MAML2: variants seen among roughly 807,000 people sequenced by gnomAD.
MAML2 encodes mastermind-like protein 2.
MAML2 carries 22 observed loss-of-function variants against 96.1 expected under a neutral mutation model. The observed-to-expected ratio is 0.23, with a 90% CI of 0.16 to 0.33. The LOEUF (loss-of-function observed/expected upper bound fraction) is 0.33, where lower values mean the gene tolerates loss of function less well. Among genes scored for constraint, MAML2 ranks in the 10% least tolerant of loss-of-function variants. MAML2 has a pLI of 1.00. For missense variants in MAML2, 1,367 were observed against 1,392.4 expected (o/e 0.98, Z 0.29); for synonymous variants, 561 against 521.3 (o/e 1.08, Z -1.04).
At chr11:96,131,692 T>C (rs896845462) in intron 1 of MAML2, among the ~76,000 whole-genome samples, 1 of 152,112 alleles carries the variant, frequency 6.6e-6, no homozygotes, top group African/African-American at 2.4e-5. Flanking sequence ...TGTTCTAGAA[T>C]TAGATAGTGG....
intron 2 of MAML2, among the ~76,000 whole-genome samples, chr11:96,013,428 G>A (rs184214689): frequency 6.6e-6 from 1 of 152,282 alleles, no homozygotes; most frequent in Non-Finnish European, 1.5e-5. Context: ...GAAGGGAAGA[G>A]TGTGGTCCCT....
At chr11:96,237,744 A>T (rs1033093786) in intron 1 of MAML2, among the ~76,000 whole-genome samples, 6 of 152,246 alleles carry the variant, frequency 3.9e-5, no homozygotes, top group African/African-American at 1.2e-4. Context: ...GGAAAACTAC[A>T]TAATCTTTTA....
intron 1 of MAML2, among the ~76,000 whole-genome samples, chr11:96,124,558 T>C (rs534440300): frequency 4.6e-5 from 7 of 152,360 alleles, no homozygotes; most frequent in Non-Finnish European, 1.0e-4. Flanking sequence ...GTTTTAAACA[T>C]TTATTGAGTT....
chr11:96,206,963 A>T (rs1356169892), intron 1 of MAML2, among the ~76,000 whole-genome samples: 8 of 152,248 alleles, frequency 5.3e-5, no homozygotes, highest in African/African-American at 1.9e-4. Flanking sequence ...TTACCAGCAT[A>T]AAAAAGGGGC....
At chr11:96,006,580 T>C (rs1858181896) in intron 2 of MAML2, among the ~76,000 whole-genome samples, 1 of 149,646 alleles carries the variant, frequency 6.7e-6, no homozygotes, top group African/African-American at 2.5e-5. Flanking sequence ...TTTTTTAAGA[T>C]GGAGTTTCGC....
rs1487229589 is a variant in MAML2, at chr11:96,092,364, G to A, written c.1667C>T (p.Thr556Ile). 11 of 1,613,550 alleles carry A rather than the reference G, an allele frequency of 6.8e-6. 1 individual carries two copies. The highest frequency in any genetic ancestry group is 3.3e-4 in the Middle Eastern group (2 of 6,082). The change falls in exon 2 of 5, where the codon ACC (threonine) becomes ATC (isoleucine). Residue 556 changes from threonine to isoleucine, a missense_variant. Coordinates refer to ENST00000524717, the MANE Select transcript of MAML2 (RefSeq NM_032427.4). The surrounding 1 kb of genome is among the most constrained non-coding windows in gnomAD (Gnocchi z 4.1). ...HPAMEPRQGN[T>I]KPLFHFNSDQ... ...TGAGTTAAAATGAAACAAAGGCTTG[G>A]TGTTGCCCTGACGGGGCTCCATGGC... is the stretch of plus-strand genomic sequence containing the variant.
At chr11:96,069,440 G>A (rs1337810475) in intron 2 of MAML2, among the ~76,000 whole-genome samples, 3 of 152,268 alleles carry the variant, frequency 2.0e-5, no homozygotes, top group East Asian at 1.9e-4. Flanking sequence ...TTGGGAAGCC[G>A]AGGTGGGCAG....
At chr11:96,311,322 C>T (rs1863539165) in intron 1 of MAML2, among the ~76,000 whole-genome samples, 1 of 152,212 alleles carries the variant, frequency 6.6e-6, no homozygotes, top group South Asian at 2.1e-4. Context: ...GTCACACTCA[C>T]TTTAGTTCTT....
intron 2 of MAML2, among the ~76,000 whole-genome samples, chr11:96,076,740 C>G (rs1323123757): frequency 6.6e-6 from 1 of 152,202 alleles, no homozygotes; most frequent in African/African-American, 2.4e-5. Context: ...CAGTTGGGAA[C>G]GTCTTGCTCT....
intron 1 of MAML2, among the ~76,000 whole-genome samples, chr11:96,121,494 A>G (rs555079359): frequency 6.6e-6 from 1 of 152,308 alleles, no homozygotes; most frequent in African/African-American, 2.4e-5. Context: ...TGAAGTGTCA[A>G]TAAACCCTCA....
At chr11:96,042,407 C>T (rs1458739584) in intron 2 of MAML2, among the ~76,000 whole-genome samples, 1 of 152,228 alleles carries the variant, frequency 6.6e-6, no homozygotes, top group Non-Finnish European at 1.5e-5. Context: ...AGGCGTGAGC[C>T]AGTGTGCCCA....
intron 1 of MAML2, among the ~76,000 whole-genome samples, chr11:96,130,765 T>C (rs1860534213): frequency 7.3e-6 from 1 of 136,262 alleles, no homozygotes; most frequent in African/African-American, 2.8e-5. Context: ...AAATTGTTTA[T>C]TCTGATTTTT....
chr11:96,275,402 C>T (rs990020461), intron 1 of MAML2, among the ~76,000 whole-genome samples: 2 of 150,538 alleles, frequency 1.3e-5, no homozygotes, highest in East Asian at 1.9e-4. Context: ...CTCAGCCTCC[C>T]GAGTAGCTGG....
intron 1 of MAML2, among the ~76,000 whole-genome samples, chr11:96,242,659 GA>G (rs138615068): frequency 2.7e-5 from 4 of 150,760 alleles, no homozygotes; most frequent in Non-Finnish European, 5.9e-5. Flanking sequence ...AGCTTAAAGA[GA>G]AAAAAAAAGT....
chr11:96,281,978 G>A (rs146108559), intron 1 of MAML2, among the ~76,000 whole-genome samples: 1,582 of 152,184 alleles, frequency 0.01, 24 homozygotes, highest in African/African-American at 0.027. Context: ...GGCCAGGCGC[G>A]GTGGCTCATG....
At chr11:96,271,829 G>T (rs1019737734) in intron 1 of MAML2, among the ~76,000 whole-genome samples, 1 of 152,028 alleles carries the variant, frequency 6.6e-6, no homozygotes, top group Non-Finnish European at 1.5e-5. Flanking sequence ...TCTTTTCAGT[G>T]GTCTACAAGG....
At chr11:96,058,503 AG>A (rs1259758985) in intron 2 of MAML2, among the ~76,000 whole-genome samples, 2 of 152,066 alleles carry the variant, frequency 1.3e-5, no homozygotes, top group East Asian at 3.9e-4. Context: ...TATTTTTAGT[AG>A]AGATGGAGGT....
At chr11:96,260,378 A>G (rs990139004) in intron 1 of MAML2, among the ~76,000 whole-genome samples, 49 of 152,356 alleles carry the variant, frequency 3.2e-4, no homozygotes, top group African/African-American at 1.1e-3. Context: ...ACCCTTCTCA[A>G]CTGTCTTATC....
intron 1 of MAML2, among the ~76,000 whole-genome samples, chr11:96,238,665 C>T (rs1383975396): frequency 6.6e-6 from 1 of 152,140 alleles, no homozygotes; most frequent in East Asian, 1.9e-4. Context: ...AGTGGGTTTA[C>T]TAAGGTTTAA....
Sources: allele counts gnomAD v4.1 joint callset (sites outside exome capture counted in the v4.1 genomes callset), GRCh38; gene constraint gnomAD v4.1.1; non-coding constraint Gnocchi (gnomAD v3.1); transcripts MANE v1.5; gene names NCBI Gene and HGNC (gene_info 2026-07-23, HGNC 2026-07-21).